PPM1B: variants seen among roughly 807,000 people sequenced by gnomAD.
PPM1B encodes protein phosphatase 1B.
In PPM1B, 22 loss-of-function variants were observed where a neutral mutation model predicts 43.0. The ratio of observed to expected loss-of-function variants is 0.51; its 90% confidence interval spans 0.37 to 0.73. The LOEUF is 0.73. Among genes scored for constraint, PPM1B ranks in the 30% least tolerant of loss-of-function variants. The pLI is 0.00. For synonymous variants in PPM1B, 217 were observed against 197.9 expected (o/e 1.10, Z -0.81); for missense variants, 632 against 584.2 (o/e 1.08, Z -0.84).
Position 44,201,227 on chromosome 2 carries a change from A to G in PPM1B, c.28A>G (p.Thr10Ala). MGAFLDKPK[T>A]EKHNAHGAGN... Reference sequence around the variant, plus strand: ...GGGTGCATTTTTGGATAAACCCAAAACTGAAAAACATAATGCTCATGGTGC... The same window carrying G: ...GGGTGCATTTTTGGATAAACCCAAAGCTGAAAAACATAATGCTCATGGTGC... The change falls in exon 2 of 6, where the codon ACT becomes GCT. Residue 10 changes from threonine to alanine, a missense_variant. Around this residue, in one of 3 missense-constraint regions of PPM1B, gnomAD observed 200 missense variants for 200.7 expected, o/e 1.00. Transcript: ENST00000282412. The surrounding 1 kb of genome is among the most constrained non-coding windows in gnomAD (Gnocchi z 5.4). 1 of 1,596,294 alleles carries G rather than the reference A, an allele frequency of 6.3e-7. No homozygotes were observed. Among genetic ancestry groups the G allele is most frequent in the Non-Finnish European group, 8.6e-7 (1 of 1,168,860 alleles).
chr2:44,241,298 C>G, intron 5 of PPM1B, among the ~76,000 whole-genome samples: 1 of 144,084 alleles, frequency 6.9e-6, no homozygotes, highest in East Asian at 2.1e-4. Context: ...CCACCGTGCC[C>G]GGCCAGGAAG....
chr2:44,180,009 CAAAAAA>C (rs766537523), intron 1 of PPM1B, among the ~76,000 whole-genome samples: 1 of 83,678 alleles, frequency 1.2e-5, no homozygotes. Context: ...AACTTCGTTC[CAAAAAA>C]AAAAAAAAAA....
chr2:44,243,326 A>G (rs1172677266), intron 5 of PPM1B, among the ~76,000 whole-genome samples: 1 of 152,220 alleles, frequency 6.6e-6, no homozygotes, highest in Non-Finnish European at 1.5e-5. Flanking sequence ...TTGAAAATTT[A>G]CATACAGTAA....
intron 3 of PPM1B, 197 bp from the exon 4 acceptor site, chr2:44,217,769 CT>C (rs1669789175): frequency 5.4e-6 from 2 of 373,634 alleles, no homozygotes; most frequent in South Asian, 9.7e-5. Context: ...ACTGTTTTTT[CT>C]TTTTTCCCCC....
intron 5 of PPM1B, among the ~76,000 whole-genome samples, chr2:44,243,821 T>C (rs1325059635): frequency 6.6e-6 from 1 of 152,186 alleles, no homozygotes; most frequent in African/African-American, 2.4e-5. Flanking sequence ...TGTGTTTATT[T>C]TTCCAGATGA....
At chr2:44,213,763 A>G (rs913291939) in intron 3 of PPM1B, 7 of 152,184 alleles carry the variant, frequency 4.6e-5, no homozygotes, top group Middle Eastern at 3.2e-3. Context: ...AACATGTAAG[A>G]ACACATTGAA....
At chr2:44,233,115 C>T (rs375487097), downstream of PPM1B, 518 of 978,888 alleles carry the variant, frequency 5.3e-4, 1 homozygote, top group Middle Eastern at 0.012. Flanking sequence ...TGAGATTTGC[C>T]TTTATAATGT....
chr2:44,195,633 T>C (rs1244072987), intron 1 of PPM1B, among the ~76,000 whole-genome samples: 1 of 152,200 alleles, frequency 6.6e-6, no homozygotes, highest in Non-Finnish European at 1.5e-5. Flanking sequence ...GCTATGATTG[T>C]ACCACTGCAC....
Position 44,201,955 on chromosome 2 carries a change from G to A in PPM1B, c.756G>A (p.Glu252=), listed in dbSNP as rs201158331. Residue 252 remains glutamate (E), a synonymous_variant, in exon 2 of 6, where the codon GAG becomes GAA. Transcript: ENST00000282412. This position sits in a 1 kb window ranked among gnomAD's most constrained non-coding sequence, Gnocchi z 5.4. The part of the protein sequence containing the change: ...CDGIWDVMSN[E]ELCEYVKSRL... ...GGATCTGGGATGTTATGAGTAATGA[G>A]GAGCTCTGTGAATATGTTAAATCTA... The A allele has an allele frequency of 5.6e-6, 9 of 1,614,086 alleles. No homozygotes were observed. The highest frequency in any genetic ancestry group is 7.6e-6 in the Non-Finnish European group (9 of 1,179,990).
chr2:44,172,836 G>A (rs544405972), intron 1 of PPM1B, among the ~76,000 whole-genome samples: 4 of 152,170 alleles, frequency 2.6e-5, no homozygotes, highest in Middle Eastern at 3.2e-3. Context: ...GAGCCAGGGA[G>A]GTCAAAGCTG....
downstream of PPM1B, chr2:44,233,712 G>C (rs1242623276): frequency 2.0e-6 from 2 of 985,704 alleles, no homozygotes; most frequent in Non-Finnish European, 1.2e-6. Flanking sequence ...TGTTTCTGGA[G>C]AGCCACACAT....
At chr2:44,175,113 G>T (rs1667519108) in intron 1 of PPM1B, among the ~76,000 whole-genome samples, 1 of 152,166 alleles carries the variant, frequency 6.6e-6, no homozygotes, top group Non-Finnish European at 1.5e-5. Context: ...AATTAGCTGG[G>T]TGTGGCGGCA....
At chr2:44,174,577 C>A (rs948546491) in intron 1 of PPM1B, among the ~76,000 whole-genome samples, 1 of 152,126 alleles carries the variant, frequency 6.6e-6, no homozygotes, top group African/African-American at 2.4e-5. Context: ...CAGGTAGATT[C>A]AAACGTATAA....
intron 1 of PPM1B, among the ~76,000 whole-genome samples, chr2:44,177,609 G>A (rs1355909453): frequency 6.6e-6 from 1 of 151,592 alleles, no homozygotes. Context: ...AGTAGAGACA[G>A]GGGTCTCACC....
At chr2:44,191,675 G>A (rs1007618429) in intron 1 of PPM1B, among the ~76,000 whole-genome samples, 28 of 151,940 alleles carry the variant, frequency 1.8e-4, no homozygotes, top group Admixed American at 6.6e-4. Flanking sequence ...GTATGCTTCT[G>A]CTTGTATATA....
chr2:44,175,479 C>T (rs1395306602), intron 1 of PPM1B, among the ~76,000 whole-genome samples: 3 of 152,278 alleles, frequency 2.0e-5, no homozygotes, highest in Middle Eastern at 6.8e-3. Flanking sequence ...CAAAGGCCCC[C>T]ATTTCATGCC....
chr2:44,188,389 CTTTCTTTTTTT>C (rs1225004622), intron 1 of PPM1B, among the ~76,000 whole-genome samples: 4 of 118,730 alleles, frequency 3.4e-5, no homozygotes, highest in Admixed American at 1.0e-4. Flanking sequence ...TTCTTTCTTT[CTTTCTTTTTTT>C]TTTTTTTTTT....
chr2:44,200,877 C>T (rs892809060), intron 1 of PPM1B, among the ~76,000 whole-genome samples: 4 of 152,138 alleles, frequency 2.6e-5, no homozygotes, highest in Admixed American at 2.0e-4. Context: ...TTTCCTTTCT[C>T]CTAGAACAGT....
chr2:44,239,179 CA>C (rs1193340508), downstream of PPM1B, among the ~76,000 whole-genome samples: 4,106 of 89,662 alleles, frequency 0.046, 40 homozygotes, highest in Middle Eastern at 0.074. Context: ...GTCTCTAATA[CA>C]AAAAAAAAAA....
Sources: allele counts gnomAD v4.1 joint callset (sites outside exome capture counted in the v4.1 genomes callset), GRCh38; gene constraint gnomAD v4.1.1; regional missense constraint gnomAD v4.1.1; non-coding constraint Gnocchi (gnomAD v3.1); transcripts MANE v1.5; gene names NCBI Gene and HGNC (gene_info 2026-07-23, HGNC 2026-07-21).